RBFOX2: variants seen among roughly 807,000 people sequenced by gnomAD.
The protein encoded by RBFOX2 is RNA binding fox-1 homolog 2.
A neutral mutation model predicts 49.1 loss-of-function variants in RBFOX2; 10 were observed. The ratio of observed to expected loss-of-function variants is 0.20; its 90% CI spans 0.13 to 0.35. The LOEUF (loss-of-function observed/expected upper bound fraction) is 0.35, where lower values mean the gene tolerates loss of function less well. Among genes scored for constraint, RBFOX2 ranks in the 10% least tolerant of loss-of-function variants. The pLI, the probability that RBFOX2 is intolerant of heterozygous loss-of-function variation, is 1.00. For synonymous variants in RBFOX2, 183 were observed against 187.4 expected (o/e 0.98, Z 0.19); for missense variants, 323 against 486.9 (o/e 0.66, Z 3.17).
At chr22:35,880,767 T>C (rs2045772059) in intron 1 of RBFOX2, among the ~76,000 whole-genome samples, 1 of 151,880 alleles carries the variant, frequency 6.6e-6, no homozygotes, top group Admixed American at 6.5e-5. Flanking sequence ...TTTTCCTACA[T>C]CTTGAAACAT....
chr22:35,759,157 T>C lies in RBFOX2; in HGVS notation c.887+731A>G, dbSNP rs1016481923. Among the ~76,000 whole-genome samples, 34 of 152,054 alleles carry C rather than the reference T, an allele frequency of 2.2e-4. No individual in the cohort carries two copies. Among genetic ancestry groups the C allele is most frequent in the Admixed American group, 2.1e-3 (32 of 15,262 alleles). On this transcript the variant is annotated intron_variant, in intron 9 of 11. Coordinates refer to ENST00000405409, the Ensembl canonical transcript of RBFOX2. The surrounding 1 kb of genome is among the most constrained non-coding windows in gnomAD (Gnocchi z 4.6). Reference sequence around the variant, plus strand: ...CAAAACCTGCCATCTTCACTCCTTTTCCCCATTCAGTAGCAAAGGATTTAT... The same window carrying C: ...CAAAACCTGCCATCTTCACTCCTTTCCCCCATTCAGTAGCAAAGGATTTAT...
chr22:35,930,241 G>A (rs2052222501), intron 1 of RBFOX2, among the ~76,000 whole-genome samples: 1 of 151,370 alleles, frequency 6.6e-6, no homozygotes, highest in African/African-American at 2.4e-5. Context: ...GGCTGGTTTC[G>A]AGCTCCAGAC....
At chr22:36,011,373 C>T (rs2058815347) in intron 1 of RBFOX2, among the ~76,000 whole-genome samples, 1 of 152,134 alleles carries the variant, frequency 6.6e-6, no homozygotes, top group Non-Finnish European at 1.5e-5. Flanking sequence ...TCCATTAAAA[C>T]ACAGAATCAT....
At chr22:35,973,029 G>A (rs367611028) in intron 1 of RBFOX2, among the ~76,000 whole-genome samples, 2 of 152,160 alleles carry the variant, frequency 1.3e-5, no homozygotes, top group East Asian at 1.9e-4. Context: ...TTACCAAATC[G>A]ATCAAGAAGG....
chr22:35,994,480 A>C (rs2058108677), intron 1 of RBFOX2: 1 of 151,876 alleles, frequency 6.6e-6, no homozygotes, highest in African/African-American at 2.4e-5. Context: ...ATCATCGCTC[A>C]CTGTAGCCTT....
intron 1 of RBFOX2, among the ~76,000 whole-genome samples, chr22:35,986,765 T>C (rs2057742560): frequency 6.6e-6 from 1 of 152,214 alleles, no homozygotes; most frequent in Non-Finnish European, 1.5e-5. Flanking sequence ...AAGAAAGTTA[T>C]CAACATTAAC....
At chr22:35,922,246 T>C (rs2051110636) in intron 1 of RBFOX2, among the ~76,000 whole-genome samples, 1 of 152,234 alleles carries the variant, frequency 6.6e-6, no homozygotes, top group South Asian at 2.1e-4. Flanking sequence ...ACTGAGTTTG[T>C]AAATAGTGTC....
At chr22:35,860,781 T>C (rs2043013735) in intron 1 of RBFOX2, among the ~76,000 whole-genome samples, 1 of 152,216 alleles carries the variant, frequency 6.6e-6, no homozygotes, top group Non-Finnish European at 1.5e-5. Context: ...TGGGGAGAAT[T>C]AACATCCGAG....
intron 9 of RBFOX2, chr22:35,747,850 C>A (rs1251557760): frequency 1.3e-5 from 2 of 152,130 alleles, no homozygotes; most frequent in Non-Finnish European, 2.9e-5. Context: ...GTGCTTTCTA[C>A]TTCCTATTTT....
At chr22:35,781,468 A>G (rs1945130882) in intron 3 of RBFOX2, 132 bp downstream of exon 4, 1 of 1,228,562 alleles carries the variant, frequency 8.1e-7, no homozygotes, top group Non-Finnish European at 1.1e-6. Flanking sequence ...AGACTGATGA[A>G]AAGACTGATT....
At chr22:35,941,004 T>C (rs2053634874), upstream of RBFOX2, among the ~76,000 whole-genome samples, 2 of 152,158 alleles carry the variant, frequency 1.3e-5, no homozygotes, top group South Asian at 4.1e-4. Context: ...ATTTTAGTGA[T>C]GGATGCACAC....
At chr22:35,768,636 C>T (rs1222532313) in intron 4 of RBFOX2, among the ~76,000 whole-genome samples, 5 of 152,080 alleles carry the variant, frequency 3.3e-5, no homozygotes, top group South Asian at 4.1e-4. Context: ...CAGAGTTACT[C>T]GGGTCAAACT....
intron 1 of RBFOX2, among the ~76,000 whole-genome samples, chr22:36,024,970 G>T (rs1014248939): frequency 2.0e-5 from 3 of 151,796 alleles, no homozygotes; most frequent in Admixed American, 2.0e-4. Flanking sequence ...ACCACGCCTG[G>T]CTAATTTTTT....
At chr22:35,986,209 A>T (rs997792475) in intron 1 of RBFOX2, among the ~76,000 whole-genome samples, 1 of 152,156 alleles carries the variant, frequency 6.6e-6, no homozygotes, top group Non-Finnish European at 1.5e-5. Flanking sequence ...AGACACAGAC[A>T]CCCCACATAG....
intron 1 of RBFOX2, among the ~76,000 whole-genome samples, chr22:35,934,431 T>C (rs1458965258): frequency 6.6e-6 from 1 of 152,190 alleles, no homozygotes; most frequent in Non-Finnish European, 1.5e-5. Context: ...ACTGACTGTA[T>C]TTCTTCAATT....
intron 1 of RBFOX2, among the ~76,000 whole-genome samples, chr22:35,847,081 T>C (rs942120134): frequency 3.3e-5 from 5 of 152,214 alleles, no homozygotes; most frequent in Admixed American, 3.3e-4. Context: ...AACAGTTTCT[T>C]AAATAGATTT....
intron 1 of RBFOX2, among the ~76,000 whole-genome samples, chr22:35,891,208 AC>A (rs1184903615): frequency 6.6e-6 from 1 of 151,868 alleles, no homozygotes; most frequent in Admixed American, 6.6e-5. Flanking sequence ...ATCTCGGCTC[AC>A]TGCAACCTCC....
chr22:35,859,310 AG>A, intron 1 of RBFOX2, among the ~76,000 whole-genome samples: 1 of 152,226 alleles, frequency 6.6e-6, no homozygotes, highest in Non-Finnish European at 1.5e-5. Context: ...GCTTTGAGGC[AG>A]TGGAACAACT....
At chr22:35,747,180 G>C (rs1569214482) in intron 9 of RBFOX2, 1 of 152,230 alleles carries the variant, frequency 6.6e-6, no homozygotes, top group Non-Finnish European at 1.5e-5. Flanking sequence ...GTTTTTGAAA[G>C]TACTTGTGAC....
Sources: gnomAD v4.1 joint callset for allele counts (sites outside exome capture counted in the v4.1 genomes callset) on GRCh38, gnomAD v4.1.1 for gene constraint, Gnocchi (gnomAD v3.1) non-coding constraint, MANE v1.5 for transcripts, NCBI Gene and HGNC (gene_info 2026-07-23, HGNC 2026-07-21) for gene names.